Variants in RBFOX1 observed in about 807,000 individuals in gnomAD.
RBFOX1 encodes RNA binding protein fox-1 homolog 1.
In RBFOX1, 8 loss-of-function variants were observed where a neutral mutation model predicts 57.7. The ratio of observed to expected loss-of-function variants is 0.14; its 90% confidence interval spans 0.08 to 0.25. The LOEUF (loss-of-function observed/expected upper bound fraction) is 0.25. Ranked by LOEUF, RBFOX1 falls within the 10% of genes least tolerant of loss-of-function variation. The pLI is 1.00. For missense variants in RBFOX1, 611 were observed against 548.5 expected, an observed-to-expected ratio of 1.11 and a Z score of -1.14; for synonymous variants, 326 against 222.4, an observed-to-expected ratio of 1.47 and a Z score of -4.15.
At chr16:6,159,661 T>C (rs189540893) in intron 1 of RBFOX1, among the ~76,000 whole-genome samples, 64 of 152,296 alleles carry the variant, frequency 4.2e-4, no homozygotes, top group African/African-American at 1.5e-3. Context: ...GATGAGGAAA[T>C]GTCATGTTAA....
chr16:7,036,005 C>T (rs1242268146), intron 3 of RBFOX1, among the ~76,000 whole-genome samples: 1 of 152,122 alleles, frequency 6.6e-6, no homozygotes, highest in Non-Finnish European at 1.5e-5. Flanking sequence ...CTACAGAATC[C>T]TTCCCATTTC....
intron 3 of RBFOX1, among the ~76,000 whole-genome samples, chr16:6,678,128 G>T (rs1463316161): frequency 3.9e-5 from 6 of 152,106 alleles, no homozygotes; most frequent in African/African-American, 1.4e-4. Flanking sequence ...GTTTTGTTTT[G>T]TTGTGTTGTG....
chr16:6,319,160 G>C (rs1487102251), intron 2 of RBFOX1, among the ~76,000 whole-genome samples: 1 of 152,098 alleles, frequency 6.6e-6, no homozygotes, highest in Non-Finnish European at 1.5e-5. Context: ...CGATGACCTA[G>C]TAGTTGGAAT....
intron 1 of RBFOX1, among the ~76,000 whole-genome samples, chr16:5,304,105 G>A (rs1305338534): frequency 1.3e-5 from 2 of 152,158 alleles, no homozygotes; most frequent in Non-Finnish European, 2.9e-5. Context: ...ATATTTAAGT[G>A]ACACAGCATA....
At chr16:7,665,014 T>A (rs762009656) in intron 13 of RBFOX1, 46 bp downstream of exon 13, 1 of 1,613,608 alleles carries the variant, frequency 6.2e-7, no homozygotes, top group Admixed American at 1.7e-5. Flanking sequence ...CCTCCTGGAG[T>A]CATTCTTTTT....
In RBFOX1 at chr16:7,447,663, C is replaced by G. The variant is rs557802065; in HGVS notation, c.28-70484C>G. Among the ~76,000 whole-genome samples, 13 of 152,334 alleles carry G rather than the reference C, an allele frequency of 8.5e-5. No individual in the cohort carries two copies. In the East Asian group the frequency reaches 1.7e-3, roughly 20 times the overall value. ...CCCAAACTTTTCCTTGCATCTTCAG[C>G]TCTTCCTGTCTATGAACCTCTGCCT... is the stretch of plus-strand genomic sequence containing the variant. On this transcript the variant is annotated intron_variant, in intron 4 of 15. Coordinates refer to ENST00000550418, the MANE Select transcript of RBFOX1 (RefSeq NM_018723.4).
chr16:7,117,177 G>A (rs1326083580), intron 4 of RBFOX1, among the ~76,000 whole-genome samples: 1 of 152,170 alleles, frequency 6.6e-6, no homozygotes, highest in Non-Finnish European at 1.5e-5. Flanking sequence ...CAGAGAGGTG[G>A]CAGGTTGGAA....
intron 3 of RBFOX1, among the ~76,000 whole-genome samples, chr16:5,625,598 C>A (rs1007330658): frequency 2.0e-5 from 3 of 151,130 alleles, no homozygotes; most frequent in Non-Finnish European, 3.0e-5. Context: ...TGCTCTGTCA[C>A]CCCGGCTCGA....
intron 4 of RBFOX1, among the ~76,000 whole-genome samples, chr16:7,445,530 G>T (rs542491840): frequency 6.6e-6 from 1 of 152,298 alleles, no homozygotes; most frequent in South Asian, 2.1e-4. Flanking sequence ...GGAGTGACAG[G>T]TCCATAAATC....
chr16:6,308,526 T>C (rs1599460562), intron 1 of RBFOX1, among the ~76,000 whole-genome samples: 1 of 152,214 alleles, frequency 6.6e-6, no homozygotes, highest in South Asian at 2.1e-4. Flanking sequence ...AGTGACAGGG[T>C]TGCCTGCACT....
intron 2 of RBFOX1, among the ~76,000 whole-genome samples, chr16:6,535,498 C>T (rs575765996): frequency 4.7e-4 from 71 of 152,224 alleles, no homozygotes; most frequent in Admixed American, 9.8e-4. Context: ...TTTTCACTCC[C>T]ATTCCCTATA....
intron 2 of RBFOX1, among the ~76,000 whole-genome samples, chr16:6,628,057 A>G (rs116458224): frequency 0.014 from 2,199 of 152,272 alleles, 63 homozygotes; most frequent in African/African-American, 0.049. Context: ...CTGAGCGTGA[A>G]TGTCCATGAG....
intron 1 of RBFOX1, among the ~76,000 whole-genome samples, chr16:6,284,163 T>G (rs2076664355): frequency 6.6e-6 from 1 of 152,234 alleles, no homozygotes; most frequent in Non-Finnish European, 1.5e-5. Context: ...ATTTTTCCTA[T>G]TATCTACTTA....
chr16:7,614,741 A>G (rs2058145219), intron 10 of RBFOX1: 1 of 152,172 alleles, frequency 6.6e-6, no homozygotes, highest in South Asian at 2.1e-4. Flanking sequence ...ACCATCAACA[A>G]CAGCAAGCCA....
intron 4 of RBFOX1, among the ~76,000 whole-genome samples, chr16:7,069,571 C>G (rs1389162451): frequency 1.3e-5 from 2 of 152,184 alleles, no homozygotes; most frequent in Non-Finnish European, 2.9e-5. Context: ...ATTTTTCTGG[C>G]TATGGGACAC....
chr16:6,974,095 A>T (rs1306310923), intron 3 of RBFOX1, among the ~76,000 whole-genome samples: 1 of 152,152 alleles, frequency 6.6e-6, no homozygotes, highest in African/African-American at 2.4e-5. Context: ...TGTCCCTGCA[A>T]AGGACATGAT....
intron 2 of RBFOX1, among the ~76,000 whole-genome samples, chr16:6,484,764 A>T (rs2095438776): frequency 6.6e-6 from 1 of 152,188 alleles, no homozygotes; most frequent in Non-Finnish European, 1.5e-5. Context: ...TTTTGTTGGC[A>T]GTGTCACCTT....
At chr16:7,622,986 C>A (rs539980004) in intron 10 of RBFOX1, among the ~76,000 whole-genome samples, 2 of 152,306 alleles carry the variant, frequency 1.3e-5, no homozygotes, top group Non-Finnish European at 2.9e-5. Flanking sequence ...TCCATTCGGG[C>A]TTTGGGTAAA....
At chr16:6,741,244 G>A (rs1002107342) in intron 3 of RBFOX1, among the ~76,000 whole-genome samples, 1 of 152,102 alleles carries the variant, frequency 6.6e-6, no homozygotes, top group Non-Finnish European at 1.5e-5. Flanking sequence ...ATGGATCGTA[G>A]GTTAAATTGA....
Sources: allele counts gnomAD v4.1 joint callset (sites outside exome capture counted in the v4.1 genomes callset), GRCh38; gene constraint gnomAD v4.1.1; transcripts MANE v1.5; gene names NCBI Gene and HGNC (gene_info 2026-07-23, HGNC 2026-07-21).